Variants in NEK7 observed in about 807,000 individuals in gnomAD.
NEK7 encodes serine/threonine-protein kinase Nek7.
NEK7 carries 18 observed loss-of-function variants against 44.6 expected under a neutral mutation model. The observed-to-expected ratio is 0.40, with a 90% CI of 0.28 to 0.60. The LOEUF (loss-of-function observed/expected upper bound fraction) is 0.60, where lower values mean the gene tolerates loss of function less well. NEK7 is among the 20% of genes least tolerant of loss of function. The pLI, the probability that NEK7 is intolerant of heterozygous loss-of-function variation, is 0.38. For synonymous variants in NEK7, 130 were observed against 121.1 expected, an observed-to-expected ratio of 1.07 and a Z score of -0.48; for missense variants, 256 against 366.5, an observed-to-expected ratio of 0.70 and a Z score of 2.46.
At chr1:198,250,308 T>C (rs931926996) in intron 2 of NEK7, among the ~76,000 whole-genome samples, 23 of 150,968 alleles carry the variant, frequency 1.5e-4, no homozygotes, top group Non-Finnish European at 2.8e-4. Flanking sequence ...TGAAGTCAGG[T>C]AGTGTGATGC....
At chr1:198,266,704 G>A (rs1021239168) in intron 5 of NEK7, among the ~76,000 whole-genome samples, 1 of 151,790 alleles carries the variant, frequency 6.6e-6, no homozygotes, top group Non-Finnish European at 1.5e-5. Context: ...TTGTTATGAT[G>A]GTTAAGTAAT....
At chr1:198,305,720 G>C (rs1369499766) in intron 9 of NEK7, among the ~76,000 whole-genome samples, 1 of 152,080 alleles carries the variant, frequency 6.6e-6, no homozygotes, top group Non-Finnish European at 1.5e-5. Context: ...AGATAAAGTA[G>C]GCCTGTGTCT....
intron 2 of NEK7, among the ~76,000 whole-genome samples, chr1:198,234,320 A>C (rs962505619): frequency 6.6e-6 from 1 of 151,656 alleles, no homozygotes; most frequent in Admixed American, 6.6e-5. Flanking sequence ...TTTTTTTTTA[A>C]GTCCCCATAT....
chr1:198,248,446 A>G (rs1177509627), intron 2 of NEK7, among the ~76,000 whole-genome samples: 2 of 152,328 alleles, frequency 1.3e-5, no homozygotes, highest in Admixed American at 6.5e-5. Context: ...CCTGCCCCCA[A>G]TATCTTATAA....
intron 5 of NEK7, 178 bp from the exon 6 acceptor site, chr1:198,277,783 C>CT: frequency 1.9e-6 from 1 of 537,096 alleles, no homozygotes; most frequent in Non-Finnish European, 3.3e-6. Context: ...AGGAAAAAAA[C>CT]TTAAGCCATT....
chr1:198,275,568 A>G (rs1653991746), intron 5 of NEK7, among the ~76,000 whole-genome samples: 1 of 151,320 alleles, frequency 6.6e-6, no homozygotes, highest in Non-Finnish European at 1.5e-5. Context: ...CAGGATTTTC[A>G]AACAATAATG....
At chr1:198,275,203 TAA>T (rs545123675) in intron 5 of NEK7, among the ~76,000 whole-genome samples, 2 of 142,698 alleles carry the variant, frequency 1.4e-5, no homozygotes, top group Admixed American at 7.1e-5. Context: ...CTAGCCTACT[TAA>T]AAAAAAAAAA....
At chr1:198,269,669 G>T (rs868118546) in intron 5 of NEK7, among the ~76,000 whole-genome samples, 1 of 152,110 alleles carries the variant, frequency 6.6e-6, no homozygotes, top group Middle Eastern at 3.4e-3. Flanking sequence ...ATAGCTTCTG[G>T]TCTGTATTCC....
intron 1 of NEK7, among the ~76,000 whole-genome samples, chr1:198,200,552 CTTT>C (rs531448626): frequency 3.0e-5 from 4 of 131,346 alleles, no homozygotes; most frequent in African/African-American, 3.0e-5. Context: ...TTCTTTCTTT[CTTT>C]TTTTTTTTTT....
chr1:198,295,622 AT>A (rs1300486055), intron 8 of NEK7, among the ~76,000 whole-genome samples: 487 of 144,886 alleles, frequency 3.4e-3, no homozygotes, highest in Middle Eastern at 7.2e-3. Flanking sequence ...GGACATTCAG[AT>A]TTTTTTTTTT....
intron 7 of NEK7, among the ~76,000 whole-genome samples, chr1:198,283,302 T>C (rs1006937770): frequency 2.0e-5 from 3 of 152,108 alleles, no homozygotes; most frequent in African/African-American, 4.8e-5. Context: ...CAGGGTAGTC[T>C]CCTATCTTCA....
At chr1:198,291,714 A>T (rs187274261) in intron 7 of NEK7, among the ~76,000 whole-genome samples, 2 of 151,976 alleles carry the variant, frequency 1.3e-5, no homozygotes, top group Admixed American at 1.3e-4. Context: ...GCTATCCATG[A>T]TTAGTAAAAA....
intron 3 of NEK7, chr1:198,256,188 T>C: frequency 5.0e-6 from 5 of 1,003,286 alleles, no homozygotes; most frequent in Non-Finnish European, 5.4e-6. Flanking sequence ...ATTTCTCTGC[T>C]TACAAATTTT....
At chr1:198,236,255 A>AT (rs900557929) in intron 2 of NEK7, among the ~76,000 whole-genome samples, 1 of 152,106 alleles carries the variant, frequency 6.6e-6, no homozygotes, top group Non-Finnish European at 1.5e-5. Flanking sequence ...TGATAAACTG[A>AT]TTTTGCCAAG....
In NEK7 at chr1:198,285,425, A is replaced by G. The variant is rs1654337368; in HGVS notation, c.589+6364A>G. 2.0e-5 allele frequency among the ~76,000 whole-genome samples: 3 copies of G among 152,222 alleles called. 1 individual carries two copies. The highest frequency in any genetic ancestry group is 2.0e-4 in the Admixed American group (3 of 15,278). On this transcript the variant is annotated intron_variant, in intron 7 of 9. Coordinates refer to ENST00000367385, the MANE Select transcript of NEK7 (RefSeq NM_133494.3). ...ATTGCTTAGCAATGAAGTATGTTCT[A>G]ATCTTTTGTCACCCACAGTGAGTTG...
At chr1:198,277,785 TA>T in intron 5 of NEK7, 175 bp from the exon 6 acceptor site, 1 of 541,568 alleles carries the variant, frequency 1.8e-6, no homozygotes, top group East Asian at 3.0e-5. Context: ...GAAAAAAACT[TA>T]AGCCATTATG....
At chr1:198,179,594 A>C (rs1664698721) in intron 1 of NEK7, among the ~76,000 whole-genome samples, 2 of 152,100 alleles carry the variant, frequency 1.3e-5, no homozygotes, top group South Asian at 4.1e-4. Context: ...AAATCAAGGG[A>C]CTTTAGGACC....
At chr1:198,297,507 T>G (rs1654748137) in intron 9 of NEK7, among the ~76,000 whole-genome samples, 1 of 152,188 alleles carries the variant, frequency 6.6e-6, no homozygotes, top group African/African-American at 2.4e-5. Flanking sequence ...GACTCTACAG[T>G]GTACTGAATC....
intron 7 of NEK7, among the ~76,000 whole-genome samples, chr1:198,280,700 C>A (rs1654166469): frequency 6.7e-6 from 1 of 149,334 alleles, no homozygotes; most frequent in South Asian, 2.1e-4. Context: ...ATCAACTTAC[C>A]TAGGGTCATG....
Sources: gnomAD v4.1 joint callset for allele counts (sites outside exome capture counted in the v4.1 genomes callset) on GRCh38, gnomAD v4.1.1 for gene constraint, MANE v1.5 for transcripts, NCBI Gene and HGNC (gene_info 2026-07-23, HGNC 2026-07-21) for gene names.